Variants in TRMT6 observed in about 807,000 individuals in gnomAD.
TRMT6 encodes tRNA methyltransferase 6 non-catalytic subunit, also known as tRNA (adenine(58)-N(1))-methyltransferase non-catalytic subunit TRM6.
Under a neutral mutation model 59.0 loss-of-function variants are expected in TRMT6, and 34 were observed. That is an observed-to-expected ratio of 0.58 (90% CI 0.44 to 0.77). TRMT6 has a LOEUF of 0.77. Among genes scored for constraint, TRMT6 ranks in the 30% least tolerant of loss-of-function variants. The pLI is 0.00. For missense variants in TRMT6, 575 were observed against 604.5 expected, an observed-to-expected ratio of 0.95 and a Z score of 0.51; for synonymous variants, 217 against 210.5, an observed-to-expected ratio of 1.03 and a Z score of -0.27.
intron 10 of TRMT6, among the ~76,000 whole-genome samples, chr20:5,940,231 T>C (rs1486985610): frequency 7.2e-5 from 11 of 152,168 alleles, no homozygotes; most frequent in Non-Finnish European, 1.6e-4. Context: ...CCCCTTATCT[T>C]TCTAAGGCAT....
intron 1 of TRMT6, among the ~76,000 whole-genome samples, chr20:5,948,693 G>A (rs2088730589): frequency 6.6e-6 from 1 of 151,896 alleles, no homozygotes; most frequent in Non-Finnish European, 1.5e-5. Context: ...AAATTAATTA[G>A]TTTAAAAAAG....
intron 2 of TRMT6, among the ~76,000 whole-genome samples, chr20:5,946,159 C>T (rs533333677): frequency 2.0e-5 from 3 of 152,164 alleles, no homozygotes; most frequent in Non-Finnish European, 4.4e-5. Flanking sequence ...GACGCAGCAA[C>T]GACTCATAGG....
At chr20:5,942,277 G>A in intron 7 of TRMT6, 151 bp downstream of exon 7, 4 of 803,152 alleles carry the variant, frequency 5.0e-6, no homozygotes, top group South Asian at 1.6e-5. Context: ...CGAATCACAC[G>A]TTTGTATACA....
intron 6 of TRMT6, 119 bp from the exon 7 acceptor site, chr20:5,942,905 G>T: frequency 1.3e-6 from 1 of 771,926 alleles, no homozygotes; most frequent in Non-Finnish European, 2.1e-6. Context: ...TTATTCAGAG[G>T]CTGAAGGATG....
At chr20:5,949,384 A>G (rs1029272256) in intron 1 of TRMT6, among the ~76,000 whole-genome samples, 1 of 152,134 alleles carries the variant, frequency 6.6e-6, no homozygotes, top group Non-Finnish European at 1.5e-5. Flanking sequence ...CTGTGGTTGT[A>G]TTTCTCAGAT....
chr20:5,950,477 C>G lies in TRMT6; in HGVS notation c.-72G>C. The G allele has an allele frequency of 2.7e-6, 4 of 1,491,748 alleles. No individual in the cohort carries two copies. In the South Asian group the frequency reaches 5.1e-5, roughly 19 times the overall value. 92.4% of individuals were successfully genotyped at this position (1,491,748 alleles called of 1,614,324 possible). A position where few individuals can be genotyped will look rare whatever the true frequency, so the allele number is the denominator to read the frequency against. On this transcript the variant is annotated 5_prime_UTR_variant, in exon 1 of 11. Coordinates refer to ENST00000203001, the MANE Select transcript of TRMT6 (RefSeq NM_015939.5). Reference sequence around the variant, plus strand: ...TCGGTTGTCGCCACCGCCAGCCTCACTTCCCACAACCTGGCGCACTAGGAG... The same window carrying G: ...TCGGTTGTCGCCACCGCCAGCCTCAGTTCCCACAACCTGGCGCACTAGGAG...
In TRMT6 at chr20:5,941,273, C is replaced by T. The variant is rs139658662; in HGVS notation, c.1185G>A (p.Arg395=). ...TGTACTGACAGTAGACCACAAACGG[C>T]CTTGAAGGGGCCACAAAGTCCAGCA... ...LSLLDFVAPS[R]PFVVYCQYKE... Residue 395 remains arginine, a synonymous_variant, in exon 9 of 11, where the codon AGG becomes AGA. Coordinates refer to ENST00000203001, the MANE Select transcript of TRMT6 (RefSeq NM_015939.5). 172 of 1,614,150 alleles carry T rather than the reference C, an allele frequency of 1.1e-4. No individual in the cohort carries two copies. The East Asian group carries it at 3.1e-3, about 29-fold the overall frequency.
rs1439468976 is a variant in TRMT6, at chr20:5,937,501, T to C, written c.*1034A>G. 2.6e-5 allele frequency: 4 copies of C among 152,228 alleles called. No individual in the cohort carries two copies. The highest frequency in any genetic ancestry group is 5.9e-5 in the Non-Finnish European group (4 of 68,042). The allele number at this position is 152,228 out of a possible 1,614,324, so 9.4% of individuals were successfully genotyped here. The stretch of plus-strand genomic sequence containing the variant: ...CACATGATCAAATGATTAGAGTTTT[T>C]CAGAGCTTAGAAAGGGTAACCATCT... On this transcript the variant is annotated 3_prime_UTR_variant, in exon 11 of 11. Coordinates refer to ENST00000203001, the MANE Select transcript of TRMT6 (RefSeq NM_015939.5).
chr20:5,941,622 C>T, intron 8 of TRMT6: 1 of 551,446 alleles, frequency 1.8e-6, no homozygotes, highest in Non-Finnish European at 3.2e-6. Flanking sequence ...GGAAACAAAT[C>T]CAACACTGCA....
At chr20:5,942,893 C>T in intron 6 of TRMT6, 107 bp from the exon 7 acceptor site, 1 of 854,006 alleles carries the variant, frequency 1.2e-6, no homozygotes, top group Non-Finnish European at 1.9e-6. Flanking sequence ...TCTATTAGTA[C>T]TTTATTCAGA....
chr20:5,947,995 G>A (rs2088722279), intron 1 of TRMT6, among the ~76,000 whole-genome samples: 1 of 152,172 alleles, frequency 6.6e-6, no homozygotes, highest in Non-Finnish European at 1.5e-5. Context: ...TCTACAAAAA[G>A]TACACAAATT....
Position 5,942,571 on chromosome 20 carries a change from T to G in TRMT6, c.883A>C (p.Lys295Gln). 1 of 1,614,184 alleles carries G rather than the reference T, an allele frequency of 6.2e-7. No individual in the cohort carries two copies. Among genetic ancestry groups the G allele is most frequent in the Non-Finnish European group, 8.5e-7 (1 of 1,180,032 alleles). ...VEESNGTLEEKQASEQENEDS... is the reference protein window; with the variant it reads ...VEESNGTLEEQQASEQENEDS... Reference sequence around the variant, plus strand: ...TCATTCTCTTGTTCAGAAGCCTGTTTTTCCTCCAGTGTGCCATTACTTTCT... The same window carrying G: ...TCATTCTCTTGTTCAGAAGCCTGTTGTTCCTCCAGTGTGCCATTACTTTCT... Residue 295 changes from lysine to glutamine, a missense_variant, in exon 7 of 11, where the codon AAA (lysine) becomes CAA (glutamine). Coordinates refer to ENST00000203001, the MANE Select transcript of TRMT6 (RefSeq NM_015939.5).
rs2088708243 is a variant in TRMT6, at chr20:5,946,496, T to C, written c.166A>G (p.Asn56Asp). Residue 56 changes from asparagine to aspartate, a missense_variant, in exon 2 of 11, where the codon AAC (asparagine) becomes GAC (aspartate). By Grantham distance (23) the Asn-to-Asp change is conservative (BLOSUM62 1). Coordinates refer to ENST00000203001, the MANE Select transcript of TRMT6 (RefSeq NM_015939.5). Reference protein sequence around the residue: ...TFEKQWFYLDNVIGHSYGTAF... With the variant: ...TFEKQWFYLDDVIGHSYGTAF... ...GTTCCATAACTATGGCCAATGACGTTATCCAGGTAGAACCACTGTTTTTCG... is the reference window on the plus strand; with the variant it reads ...GTTCCATAACTATGGCCAATGACGTCATCCAGGTAGAACCACTGTTTTTCG... 16 of 1,614,182 alleles carry C rather than the reference T, an allele frequency of 9.9e-6. No individual in the cohort carries two copies. Among genetic ancestry groups the C allele is most frequent in the Non-Finnish European group, 1.3e-5 (15 of 1,180,026 alleles).
rs2122593339 is a variant in TRMT6 at position 5,937,601 on chromosome 20, T to C, written c.*934A>G. The C allele has an allele frequency of 6.6e-6, 1 of 152,344 alleles. No homozygotes were observed. Among genetic ancestry groups the C allele is most frequent in the East Asian group, 1.9e-4 (1 of 5,192 alleles). The allele number at this position is 152,344 out of a possible 1,614,324, so 9.4% of individuals were successfully genotyped here. A position where few individuals can be genotyped will look rare whatever the true frequency, so the allele number is the denominator to read the frequency against. ...GACATTTGACAAGGAATGACACTAA[T>C]ACAATGAGAATTGGTCTAAGTCCTG... is the stretch of plus-strand genomic sequence containing the variant. On this transcript the variant is annotated 3_prime_UTR_variant, in exon 11 of 11. Coordinates refer to ENST00000203001, the MANE Select transcript of TRMT6 (RefSeq NM_015939.5).
chr20:5,944,576 T>A (rs1307048576), intron 3 of TRMT6, among the ~76,000 whole-genome samples: 1 of 152,242 alleles, frequency 6.6e-6, no homozygotes, highest in African/African-American at 2.4e-5. Context: ...TGATATGCAC[T>A]GTTATTACAT....
intron 1 of TRMT6, among the ~76,000 whole-genome samples, chr20:5,949,474 A>G (rs1233651499): frequency 2.0e-5 from 3 of 152,236 alleles, no homozygotes; most frequent in Non-Finnish European, 4.4e-5. Context: ...CCTTCCAGAA[A>G]GTTATCAAAA....
At chr20:5,940,924 G>T (rs2088650227) in intron 10 of TRMT6, 129 bp downstream of exon 10, 1 of 760,594 alleles carries the variant, frequency 1.3e-6, no homozygotes, top group Admixed American at 2.1e-5. Flanking sequence ...GCCTCCCAAA[G>T]TGCTGGGATT....
chr20:5,942,394 T>C, intron 7 of TRMT6, 34 bp downstream of exon 7: 1 of 1,573,978 alleles, frequency 6.4e-7, no homozygotes, highest in African/African-American at 1.3e-5. Context: ...GGGACTGAGA[T>C]TATGGGGGTG....
At chr20:5,942,368 A>G in intron 7 of TRMT6, 60 bp downstream of exon 7, 1 of 1,437,784 alleles carries the variant, frequency 7.0e-7, no homozygotes. Context: ...CTCATGACTT[A>G]ACTGAAGTTA....
Sources: allele counts gnomAD v4.1 joint callset (sites outside exome capture counted in the v4.1 genomes callset), GRCh38; gene constraint gnomAD v4.1.1; transcripts MANE v1.5; gene names NCBI Gene and HGNC (gene_info 2026-07-23, HGNC 2026-07-21).